Variants in TPTE observed in about 807,000 individuals in gnomAD.
TPTE encodes the protein transmembrane phosphatase with tensin homology.
A neutral mutation model predicts 84.1 loss-of-function variants in TPTE; 59 were observed. The observed-to-expected ratio is 0.70, with a 90% CI of 0.57 to 0.87. TPTE has a LOEUF of 0.87. Among genes scored for constraint, TPTE ranks in the 40% least tolerant of loss-of-function variants. The pLI is 0.00. For synonymous variants in TPTE, 130 were observed against 223.5 expected, an observed-to-expected ratio of 0.58 and a Z score of 3.73; for missense variants, 382 against 659.6, an observed-to-expected ratio of 0.58 and a Z score of 4.61.
chr21:10,601,815 T>A (rs1978556785), intron 21 of TPTE, among the ~76,000 whole-genome samples: 1 of 152,312 alleles, frequency 6.6e-6, no homozygotes, highest in South Asian at 2.1e-4. Flanking sequence ...ATCATGCCAC[T>A]GCACTTCAGC....
At chr21:10,566,124 A>C (rs1478636770) in intron 10 of TPTE, among the ~76,000 whole-genome samples, 2 of 152,310 alleles carry the variant, frequency 1.3e-5, no homozygotes, top group African/African-American at 4.8e-5. Context: ...AAAGGGATTA[A>C]TAACCAGAAT....
intron 1 of TPTE, 49 bp from the exon 2 acceptor site, chr21:10,524,531 C>CA (rs2074045050): frequency 6.6e-6 from 1 of 152,516 alleles, no homozygotes; most frequent in Non-Finnish European, 1.5e-5. Context: ...TGAAAGGCAA[C>CA]AAGAGAGAAA....
chr21:10,558,307 A>G (rs1600898612), intron 8 of TPTE, among the ~76,000 whole-genome samples: 1 of 152,308 alleles, frequency 6.6e-6, no homozygotes, highest in Non-Finnish European at 1.5e-5. Flanking sequence ...TTCTGCTTTT[A>G]GCTCTTCAAG....
chr21:10,548,185 C>T (rs550269969), intron 7 of TPTE, among the ~76,000 whole-genome samples: 8 of 152,424 alleles, frequency 5.2e-5, no homozygotes, highest in South Asian at 2.1e-4. Flanking sequence ...GTCTCAGGGC[C>T]GAGAAACAAC....
intron 19 of TPTE, among the ~76,000 whole-genome samples, chr21:10,593,373 A>C: frequency 6.6e-6 from 1 of 152,308 alleles, no homozygotes; most frequent in Non-Finnish European, 1.5e-5. Flanking sequence ...ATTGTCTTAA[A>C]ATCTTTGAAA....
chr21:10,604,113 A>G (rs1358688525), intron 23 of TPTE, among the ~76,000 whole-genome samples: 1 of 152,310 alleles, frequency 6.6e-6, no homozygotes, highest in African/African-American at 2.4e-5. Flanking sequence ...ATTAAGGAAT[A>G]CAGCTAAGAA....
At position 10,597,578 on chromosome 21, in the gene TPTE, C is replaced by A. The variant is rs1240322645; in HGVS notation, c.1277-437C>A. ...TACAGGCATGTGCCACCACGCCTGG[C>A]TAATTTTTGTATTTTTAGTAGAGAT... is the stretch of plus-strand genomic sequence containing the variant. On this transcript the variant is annotated intron_variant, in intron 20 of 23. Coordinates refer to ENST00000618007, the MANE Select transcript of TPTE (RefSeq NM_199261.4). Among the ~76,000 whole-genome samples the A allele has an allele frequency of 1.9e-4, 29 of 152,306 alleles. No individual in the cohort carries two copies. In the Admixed American group the frequency reaches 1.9e-3, roughly 10 times the overall value.
At chr21:10,586,228 G>T (rs1240559775) in intron 17 of TPTE, among the ~76,000 whole-genome samples, 1 of 151,906 alleles carries the variant, frequency 6.6e-6, no homozygotes, top group Non-Finnish European at 1.5e-5. Context: ...AATTGCTTTA[G>T]TTTCGTCCCA....
At chr21:10,555,889 A>T (rs1233366368) in intron 8 of TPTE, among the ~76,000 whole-genome samples, 1 of 152,308 alleles carries the variant, frequency 6.6e-6, no homozygotes, top group African/African-American at 2.4e-5. Flanking sequence ...CCTGTGAAAG[A>T]TAAGAAATGC....
At chr21:10,573,703 G>A (rs1240952287) in intron 14 of TPTE, among the ~76,000 whole-genome samples, 2 of 152,300 alleles carry the variant, frequency 1.3e-5, no homozygotes, top group Non-Finnish European at 2.9e-5. Flanking sequence ...CAAGTATTAT[G>A]TGTCAATTAA....
In TPTE at chr21:10,542,386, A is replaced by G; in HGVS notation, c.66-9A>G. 1.9e-6 allele frequency: 3 copies of G among 1,610,934 alleles called. No homozygotes were observed. Among genetic ancestry groups the G allele is most frequent in the Non-Finnish European group, 2.5e-6 (3 of 1,177,762 alleles). On this transcript the variant is annotated splice_polypyrimidine_tract_variant and intron_variant, in intron 5 of 23. Coordinates refer to ENST00000618007, the MANE Select transcript of TPTE (RefSeq NM_199261.4). ...TCCTCTCTGACTGTTTTCTCTTATCATCCACTAGTCCACAGACAAGTGAAT... is the reference window on the plus strand; with the variant it reads ...TCCTCTCTGACTGTTTTCTCTTATCGTCCACTAGTCCACAGACAAGTGAAT...
intron 3 of TPTE, among the ~76,000 whole-genome samples, chr21:10,537,934 CT>C (rs537382981): frequency 7.9e-5 from 12 of 152,410 alleles, no homozygotes; most frequent in African/African-American, 2.2e-4. Flanking sequence ...ATGAAGGTGA[CT>C]TTATGTCTTG....
intron 10 of TPTE, 81 bp from the exon 11 acceptor site, chr21:10,567,589 G>C: frequency 6.3e-7 from 1 of 1,581,388 alleles, no homozygotes; most frequent in South Asian, 1.2e-5. Flanking sequence ...ATGGGGATGA[G>C]TCAATAGTTT....
chr21:10,526,551 AT>A (rs2074082677), intron 2 of TPTE, among the ~76,000 whole-genome samples: 1 of 152,308 alleles, frequency 6.6e-6, no homozygotes, highest in Admixed American at 6.5e-5. Flanking sequence ...CAGCAAAAAA[AT>A]GTATGTGATC....
At chr21:10,593,522 C>A (rs1277256261) in intron 19 of TPTE, among the ~76,000 whole-genome samples, 1 of 152,312 alleles carries the variant, frequency 6.6e-6, no homozygotes, top group Non-Finnish European at 1.5e-5. Context: ...ATTGCAGAAA[C>A]CAGGATGTTT....
chr21:10,529,914 AT>A (rs71326370), intron 3 of TPTE, among the ~76,000 whole-genome samples: 113 of 141,612 alleles, frequency 8.0e-4, no homozygotes, highest in South Asian at 7.6e-3. Flanking sequence ...CAAAATGGTG[AT>A]TTTTTTTTTA....
intron 10 of TPTE, among the ~76,000 whole-genome samples, chr21:10,566,685 A>C (rs938534778): frequency 1.3e-5 from 2 of 152,306 alleles, no homozygotes; most frequent in Non-Finnish European, 2.9e-5. Flanking sequence ...TAAAAAAACA[A>C]TAAGAACCCG....
At chr21:10,567,814 CT>C (rs749737231) in intron 11 of TPTE, 25 bp downstream of exon 11, 1 of 1,572,796 alleles carries the variant, frequency 6.4e-7, no homozygotes, top group African/African-American at 1.3e-5. Context: ...ACTTACCTCT[CT>C]TAAAGTTTTT....
intron 10 of TPTE, among the ~76,000 whole-genome samples, chr21:10,562,120 T>A (rs2145679584): frequency 6.6e-6 from 1 of 152,428 alleles, no homozygotes; most frequent in African/African-American, 2.4e-5. Context: ...TTATCCTGGA[T>A]CTTGTCCAAG....
Sources: gnomAD v4.1 joint callset for allele counts (sites outside exome capture counted in the v4.1 genomes callset) on GRCh38, gnomAD v4.1.1 for gene constraint, MANE v1.5 for transcripts, NCBI Gene and HGNC (gene_info 2026-07-23, HGNC 2026-07-21) for gene names.